ACTN2: variants seen among roughly 807,000 people sequenced by gnomAD.
ACTN2 encodes the protein actinin alpha 2.
In ACTN2, 39 loss-of-function variants were observed where a neutral mutation model predicts 113.8. That is an observed-to-expected ratio of 0.34 (90% CI 0.27 to 0.45). The LOEUF (loss-of-function observed/expected upper bound fraction) is 0.45, where lower values mean the gene tolerates loss of function less well. Among genes scored for constraint, ACTN2 ranks in the 20% least tolerant of loss-of-function variants. The pLI is 1.00. For synonymous variants in ACTN2, 429 were observed against 444.1 expected, an observed-to-expected ratio of 0.97 and a Z score of 0.43; for missense variants, 992 against 1,177.9, an observed-to-expected ratio of 0.84 and a Z score of 2.31.
Position 236,731,246 on chromosome 1 carries a change from G to A in ACTN2, c.629G>A (p.Gly210Glu), listed in dbSNP as rs751979954. ...GTTTTCATACAGGATGACCCCATAG[G>A]AAATATTAACCTGGCCATGGAAATC... ...YSKLNKDDPI[G>E]NINLAMEIAE... The change falls in exon 7 of 21, where the codon GGA becomes GAA. Residue 210 changes from glycine (G) to glutamate (E), a missense_variant. Transcript: ENST00000366578. The A allele has an allele frequency of 1.9e-6, 3 of 1,613,180 alleles. No homozygotes were observed. In the South Asian group the frequency reaches 3.3e-5, roughly 18 times the overall value.
At position 236,749,015 on chromosome 1, in the gene ACTN2, C is replaced by T. The variant is rs538995629; in HGVS notation, c.1516-109C>T. The T allele has an allele frequency of 2.1e-5, 26 of 1,246,084 alleles. 1 individual carries two copies. The highest frequency in any genetic ancestry group is 1.9e-4 in the Admixed American group (10 of 52,248). The allele number at this position is 1,246,084 out of a possible 1,614,324, so 77.2% of individuals were successfully genotyped here. A position where few individuals can be genotyped will look rare whatever the true frequency, so the allele number is the denominator to read the frequency against. ...AATCTTTTGTAGACACATGCTAATA[C>T]GATTAACAGAATATCAGAGAATAGT... On this transcript the variant is annotated intron_variant, in intron 13 of 20. Coordinates refer to ENST00000366578, the MANE Select transcript of ACTN2 (RefSeq NM_001103.4).
rs1282906480 is a variant in ACTN2, at chr1:236,755,094, A to G, written c.2050A>G (p.Asn684Asp). ...QMNQLKQYEH[N>D]IINYKNNIDK... ...GAACCAGCTGAAGCAGTATGAGCAC[A>G]ACATCATCAACTATAAGAACAACAT... The change falls in exon 17 of 21, where the codon AAC becomes GAC. Residue 684 changes from asparagine to aspartate, a missense_variant. By Grantham distance (23) the Asn-to-Asp change is conservative (BLOSUM62 1). This residue lies in a region of ACTN2 where 736 missense variants were observed against 815.4 expected (regional missense o/e 0.90). Transcript: ENST00000366578. 6.2e-7 allele frequency: 1 copy of G among 1,614,112 alleles called. No individual in the cohort carries two copies. The highest frequency in any genetic ancestry group is 1.7e-5 in the Admixed American group (1 of 60,008).
At chr1:236,724,809 T>C (rs1004563041) in intron 4 of ACTN2, among the ~76,000 whole-genome samples, 3 of 151,090 alleles carry the variant, frequency 2.0e-5, no homozygotes, top group Non-Finnish European at 2.9e-5. Flanking sequence ...CACATTTTTA[T>C]GGTCATCACA....
intron 4 of ACTN2, among the ~76,000 whole-genome samples, chr1:236,721,580 A>G (rs1479233642): frequency 6.6e-6 from 1 of 152,206 alleles, no homozygotes; most frequent in Non-Finnish European, 1.5e-5. Flanking sequence ...ACTTTTGTAC[A>G]ATATAGTTCT....
At chr1:236,729,255 C>G (rs1245640934) in intron 6 of ACTN2, among the ~76,000 whole-genome samples, 2 of 151,388 alleles carry the variant, frequency 1.3e-5, no homozygotes, top group African/African-American at 4.9e-5. Flanking sequence ...ACCCAGGAGG[C>G]GGAGGTTGCA....
intron 7 of ACTN2, among the ~76,000 whole-genome samples, chr1:236,731,969 A>T (rs1443757908): frequency 1.3e-5 from 2 of 152,252 alleles, no homozygotes; most frequent in Non-Finnish European, 2.9e-5. Context: ...CTGAAAGCAC[A>T]AATGTGTGGA....
At chr1:236,719,154 C>G in intron 3 of ACTN2, 141 bp downstream of exon 3, 1 of 1,167,018 alleles carries the variant, frequency 8.6e-7, no homozygotes, top group Non-Finnish European at 1.2e-6. Context: ...TTAGGGCGCT[C>G]GGTGCACAAA....
At chr1:236,723,568 C>T (rs1464402755) in intron 4 of ACTN2, among the ~76,000 whole-genome samples, 1 of 152,152 alleles carries the variant, frequency 6.6e-6, no homozygotes, top group African/African-American at 2.4e-5. Context: ...CAGGCTCAAG[C>T]AATTCTCCTG....
chr1:236,694,014 G>T (rs957621309), intron 1 of ACTN2, among the ~76,000 whole-genome samples: 2 of 151,984 alleles, frequency 1.3e-5, no homozygotes, highest in Admixed American at 1.3e-4. Flanking sequence ...TCGAGCCCTT[G>T]TCTCTTCCAT....
At chr1:236,744,805 G>C in intron 12 of ACTN2, 29 bp downstream of exon 12, 10 of 1,613,752 alleles carry the variant, frequency 6.2e-6, no homozygotes, top group Non-Finnish European at 6.8e-6. Flanking sequence ...CGTCCTCCCG[G>C]GAGCCCCTGG....
chr1:236,726,859 G>A (rs1209560045), intron 5 of ACTN2, among the ~76,000 whole-genome samples: 1 of 152,194 alleles, frequency 6.6e-6, no homozygotes. Flanking sequence ...CAAGGGCTGG[G>A]ACTTTCTGCA....
At chr1:236,686,929 C>A in intron 1 of ACTN2, 130 bp downstream of exon 1, 1 of 1,078,690 alleles carries the variant, frequency 9.3e-7, no homozygotes, top group Non-Finnish European at 1.2e-6. Context: ...TGTCCTGTGC[C>A]CTCGCAGCCC....
intron 1 of ACTN2, among the ~76,000 whole-genome samples, chr1:236,694,701 A>G (rs1657429594): frequency 6.6e-6 from 1 of 152,134 alleles, no homozygotes; most frequent in African/African-American, 2.4e-5. Context: ...AATGCTTTTT[A>G]AAAATGTTCT....
In ACTN2 at chr1:236,736,597, G is replaced by A. The variant is rs1040815384; in HGVS notation, c.784-525G>A. ...TAAAGCACACTCAGCTCTGTGGAAGGATCCCCCTCCAGAAAGTTCTACATG... is the reference window on the plus strand; with the variant it reads ...TAAAGCACACTCAGCTCTGTGGAAGAATCCCCCTCCAGAAAGTTCTACATG... On this transcript the variant is annotated intron_variant, in intron 8 of 20. Coordinates refer to ENST00000366578, the MANE Select transcript of ACTN2 (RefSeq NM_001103.4). The A allele has an allele frequency of 4.8e-6, 7 of 1,471,036 alleles. No individual in the cohort carries two copies. In the African/African-American group the frequency reaches 9.2e-5, roughly 19 times the overall value. 91.1% of individuals were successfully genotyped at this position (1,471,036 alleles called of 1,614,324 possible). A position where few individuals can be genotyped will look rare whatever the true frequency, so the allele number is the denominator to read the frequency against.
In ACTN2 at chr1:236,719,777, C is replaced by T. The variant is rs866137163; in HGVS notation, c.362-328C>T. Among the ~76,000 whole-genome samples the T allele has an allele frequency of 1.4e-3, 216 of 148,994 alleles. 3 individuals carry two copies. The highest frequency in any genetic ancestry group is 7.0e-3 in the Middle Eastern group (2 of 284). ...TTGTGTCACTGCACTGCGGCCTGGGCGACAGAGTGAGACTCCATCTCAAAA... is the reference window on the plus strand; with the variant it reads ...TTGTGTCACTGCACTGCGGCCTGGGTGACAGAGTGAGACTCCATCTCAAAA... On this transcript the variant is annotated intron_variant, in intron 3 of 20. Coordinates refer to ENST00000366578, the MANE Select transcript of ACTN2 (RefSeq NM_001103.4).
rs953661743 is a variant in ACTN2, at chr1:236,742,301, G to T, written c.1108-595G>T. Among the ~76,000 whole-genome samples the T allele has an allele frequency of 3.5e-4, 50 of 144,038 alleles. 1 individual carries two copies. Among genetic ancestry groups the T allele is most frequent in the Non-Finnish European group, 6.9e-4 (44 of 63,858 alleles). The allele number at this position is 144,038 out of a possible 152,430, so 94.5% of individuals were successfully genotyped here. ...GAAGCTGCATGGGAACTTTAGAGGT[G>T]TTGTTTACCCTTACAGAGTTTCTCA... On this transcript the variant is annotated intron_variant, in intron 10 of 20. Transcript: ENST00000366578.
At chr1:236,734,802 T>C (rs1019932073) in intron 7 of ACTN2, among the ~76,000 whole-genome samples, 2 of 152,206 alleles carry the variant, frequency 1.3e-5, no homozygotes, top group African/African-American at 4.8e-5. Context: ...GGTTTCACCA[T>C]AGGGAATTGT....
rs775632764 is a variant in ACTN2, at chr1:236,754,968, G to C, written c.1975-51G>C. The C allele has an allele frequency of 3.1e-6, 5 of 1,611,956 alleles. No homozygotes were observed. In the South Asian group the frequency reaches 5.5e-5, roughly 18 times the overall value. ...CGGCGCCTCGTGCCGAGCTCCCTTA[G>C]AGGGCACTTCACTCTGCTTCTCTCT... On this transcript the variant is annotated intron_variant, in intron 16 of 20. Transcript: ENST00000366578. This position sits in a 1 kb window ranked among gnomAD's most constrained non-coding sequence, Gnocchi z 4.9.
chr1:236,688,389 A>G (rs1320666579), intron 1 of ACTN2, among the ~76,000 whole-genome samples: 1 of 148,224 alleles, frequency 6.7e-6, no homozygotes. Context: ...TTTTTTTTTT[A>G]AGTACAGTAC....
Sources: gnomAD v4.1 joint callset for allele counts (sites outside exome capture counted in the v4.1 genomes callset) on GRCh38, gnomAD v4.1.1 for gene constraint, gnomAD v4.1.1 regional missense constraint, Gnocchi (gnomAD v3.1) non-coding constraint, MANE v1.5 for transcripts, NCBI Gene and HGNC (gene_info 2026-07-23, HGNC 2026-07-21) for gene names.